Variants in RPS6KA2 observed in about 807,000 individuals in gnomAD.
RPS6KA2 encodes ribosomal protein S6 kinase alpha-2.
RPS6KA2 carries 42 observed loss-of-function variants against 91.8 expected under a neutral mutation model. The observed-to-expected ratio is 0.46, with a 90% CI of 0.36 to 0.59. The LOEUF is 0.59. Among genes scored for constraint, RPS6KA2 ranks in the 20% least tolerant of loss-of-function variants. The pLI, the probability that RPS6KA2 is intolerant of heterozygous loss-of-function variation, is 0.00. For missense variants in RPS6KA2, 798 were observed against 978.5 expected (o/e 0.82, Z 2.46); for synonymous variants, 414 against 393.6 (o/e 1.05, Z -0.61).
chr6:166,473,940 G>GT (rs5881697), intron 10 of RPS6KA2, among the ~76,000 whole-genome samples: 1,996 of 111,996 alleles, frequency 0.018, 13 homozygotes, highest in African/African-American at 0.023. Context: ...TTGTTTAAAG[G>GT]TTTTTTTTTT....
At chr6:166,791,800 A>G (rs1026935090) in intron 2 of RPS6KA2, among the ~76,000 whole-genome samples, 12 of 151,614 alleles carry the variant, frequency 7.9e-5, no homozygotes, top group Non-Finnish European at 1.6e-4. Context: ...AGAAATAAAG[A>G]TGTTCTCTGA....
Position 166,701,919 on chromosome 6 carries a change from G to A in RPS6KA2, c.123+156281C>T, listed in dbSNP as rs111444081. The stretch of plus-strand genomic sequence containing the variant: ...ATCGTGATTTTAGTGTCTGTGTCTT[G>A]CTCAATTTTTTTAAGATTTCTTCCT... On this transcript the variant is annotated intron_variant, in intron 2 of 21. Transcript: ENST00000503859. 9.4e-4 allele frequency: 1,060 copies of A among 1,128,466 alleles called. 6 individuals carry two copies. In the African/African-American group the frequency reaches 0.014, roughly 15 times the overall value. The allele number at this position is 1,128,466 out of a possible 1,614,324, so 69.9% of individuals were successfully genotyped here.
chr6:166,789,436 G>A (rs111309235), intron 2 of RPS6KA2, among the ~76,000 whole-genome samples: 1 of 152,206 alleles, frequency 6.6e-6, no homozygotes, highest in Non-Finnish European at 1.5e-5. Context: ...GCCTCTGGGG[G>A]CAGGGCACAG....
intron 2 of RPS6KA2, among the ~76,000 whole-genome samples, chr6:166,643,400 A>G (rs9459704): frequency 0.013 from 1,919 of 152,336 alleles, 45 homozygotes; most frequent in East Asian, 0.078. Flanking sequence ...TACATCATGC[A>G]AAAACTAATG....
At chr6:166,688,051 T>C (rs1239906398) in intron 2 of RPS6KA2, among the ~76,000 whole-genome samples, 1 of 151,236 alleles carries the variant, frequency 6.6e-6, no homozygotes, top group Non-Finnish European at 1.5e-5. Flanking sequence ...TGGGAGGAGA[T>C]GGAGTGAGTA....
intron 5 of RPS6KA2, among the ~76,000 whole-genome samples, chr6:166,507,386 ACACC>A (rs1386689950): frequency 3.3e-5 from 5 of 150,774 alleles, no homozygotes; most frequent in Admixed American, 6.6e-5. Flanking sequence ...ACACACACAC[ACACC>A]CACCCCACAT....
At chr6:166,498,941 C>A (rs563984322) in intron 7 of RPS6KA2, among the ~76,000 whole-genome samples, 1 of 152,136 alleles carries the variant, frequency 6.6e-6, no homozygotes, top group African/African-American at 2.4e-5. Flanking sequence ...CAGTCAGTGA[C>A]GGGAACTCCC....
chr6:166,547,780 G>A (rs969662346), intron 1 of RPS6KA2, among the ~76,000 whole-genome samples: 7 of 152,250 alleles, frequency 4.6e-5, no homozygotes, highest in African/African-American at 1.4e-4. Context: ...AACTGAGTCC[G>A]TGTTTTAGAA....
chr6:166,850,279 C>T (rs1295421696), intron 2 of RPS6KA2, among the ~76,000 whole-genome samples: 1 of 151,978 alleles, frequency 6.6e-6, no homozygotes, highest in African/African-American at 2.4e-5. Context: ...TGACACCTTG[C>T]ATCTTACCCA....
At chr6:166,571,338 C>A (rs1264004199) in intron 1 of RPS6KA2, among the ~76,000 whole-genome samples, 1 of 152,196 alleles carries the variant, frequency 6.6e-6, no homozygotes, top group African/African-American at 2.4e-5. Context: ...GAAAGACCAG[C>A]AAAGAGGTTG....
At chr6:166,607,423 T>C (rs1441367072) in intron 1 of RPS6KA2, among the ~76,000 whole-genome samples, 1 of 152,206 alleles carries the variant, frequency 6.6e-6, no homozygotes, top group African/African-American at 2.4e-5. Context: ...AAAAATGTAG[T>C]ATATCCATGC....
chr6:166,533,641 C>A lies in RPS6KA2; in HGVS notation c.217-2328G>T, dbSNP rs112969715. Among the ~76,000 whole-genome samples the A allele has an allele frequency of 1.3e-5, 2 of 152,340 alleles. No individual in the cohort carries two copies. Among genetic ancestry groups the A allele is most frequent in the Admixed American group, 6.5e-5 (1 of 15,302 alleles). On this transcript the variant is annotated intron_variant, in intron 2 of 20. Coordinates refer to ENST00000265678, the MANE Select transcript of RPS6KA2 (RefSeq NM_021135.6). This position sits in a 1 kb window ranked among gnomAD's most constrained non-coding sequence, Gnocchi z 4.0. ...ACCTGGTGCAGGACAAACCGGGCAGCCTGGTCACTGAGTCACTGTGTGGAG... is the reference window on the plus strand; with the variant it reads ...ACCTGGTGCAGGACAAACCGGGCAGACTGGTCACTGAGTCACTGTGTGGAG...
intron 2 of RPS6KA2, among the ~76,000 whole-genome samples, chr6:166,700,453 C>T (rs570233627): frequency 1.3e-3 from 199 of 151,762 alleles, no homozygotes; most frequent in African/African-American, 4.4e-3. Context: ...TTTTAAAAAA[C>T]GGTTGGACTT....
At chr6:166,543,757 G>A (rs900994965) in intron 1 of RPS6KA2, among the ~76,000 whole-genome samples, 2 of 152,242 alleles carry the variant, frequency 1.3e-5, no homozygotes, top group Non-Finnish European at 2.9e-5. Context: ...ATCTCCAGCA[G>A]GGGCTGCTCC....
At chr6:166,764,304 G>A (rs73035529) in intron 2 of RPS6KA2, among the ~76,000 whole-genome samples, 2 of 152,292 alleles carry the variant, frequency 1.3e-5, no homozygotes, top group African/African-American at 2.4e-5. Context: ...CAGGGGGCGC[G>A]TGAAAAGGAA....
At chr6:166,660,397 C>T (rs9366039) in intron 2 of RPS6KA2, among the ~76,000 whole-genome samples, 5,566 of 107,998 alleles carry the variant, frequency 0.052, 165 homozygotes, top group East Asian at 0.11. Flanking sequence ...GGCATGCGTG[C>T]GTGTGTGTGT....
chr6:166,424,470 A>G (rs1778838852), intron 16 of RPS6KA2, among the ~76,000 whole-genome samples: 1 of 152,206 alleles, frequency 6.6e-6, no homozygotes, highest in Non-Finnish European at 1.5e-5. Flanking sequence ...TTCCTGCTTC[A>G]GGAGAAACAC....
chr6:166,476,131 A>G (rs1382247032), intron 10 of RPS6KA2, among the ~76,000 whole-genome samples: 1 of 152,072 alleles, frequency 6.6e-6, no homozygotes, highest in African/African-American at 2.4e-5. Flanking sequence ...TTGGACACAG[A>G]CCCACACGGA....
At chr6:166,856,910 G>T (rs548949019) in intron 2 of RPS6KA2, among the ~76,000 whole-genome samples, 2 of 152,332 alleles carry the variant, frequency 1.3e-5, no homozygotes, top group Admixed American at 1.3e-4. Flanking sequence ...GGGATGCAAA[G>T]GTACAAGGCC....
Sources: gnomAD v4.1 joint callset for allele counts (sites outside exome capture counted in the v4.1 genomes callset) on GRCh38, gnomAD v4.1.1 for gene constraint, Gnocchi (gnomAD v3.1) non-coding constraint, MANE v1.5 for transcripts, NCBI Gene and HGNC (gene_info 2026-07-23, HGNC 2026-07-21) for gene names.